The following SEMA3A variants were observed in gnomAD, a reference collection of about 807,000 sequenced individuals.
SEMA3A encodes semaphorin 3A.
Under a neutral mutation model 97.9 loss-of-function variants are expected in SEMA3A, and 29 were observed. The observed-to-expected ratio is 0.30, with a 90% CI of 0.22 to 0.40. SEMA3A has a LOEUF of 0.40. Ranked by LOEUF, SEMA3A falls within the 10% of genes least tolerant of loss-of-function variation. The pLI, the probability that SEMA3A is intolerant of heterozygous loss-of-function variation, is 1.00. For synonymous variants in SEMA3A, 321 were observed against 323.7 expected, an observed-to-expected ratio of 0.99 and a Z score of 0.09; for missense variants, 763 against 951.3, an observed-to-expected ratio of 0.80 and a Z score of 2.60.
chr7:84,328,595 T>C (rs796863995), intron 2 of SEMA3A, among the ~76,000 whole-genome samples: 4 of 152,186 alleles, frequency 2.6e-5, no homozygotes, highest in African/African-American at 9.6e-5. Context: ...ATTGAATCAG[T>C]CGATTATAAC....
intron 1 of SEMA3A, among the ~76,000 whole-genome samples, chr7:84,420,905 CATCT>C (rs1375688596): frequency 6.6e-6 from 1 of 151,448 alleles, no homozygotes; most frequent in Non-Finnish European, 1.5e-5. Flanking sequence ...TCTGGCTATC[CATCT>C]ATCTATTTTG....
intron 12 of SEMA3A, among the ~76,000 whole-genome samples, chr7:83,993,329 T>C (rs542368301): frequency 6.7e-6 from 1 of 148,992 alleles, no homozygotes; most frequent in Non-Finnish European, 1.5e-5. Flanking sequence ...AAAGTTAATA[T>C]TGTTATGTGT....
chr7:84,309,234 C>G (rs1801253070), intron 2 of SEMA3A, among the ~76,000 whole-genome samples: 1 of 151,872 alleles, frequency 6.6e-6, no homozygotes, highest in Non-Finnish European at 1.5e-5. Context: ...TTGTTGAGTT[C>G]CGGAGAGGAT....
intron 2 of SEMA3A, among the ~76,000 whole-genome samples, chr7:84,309,731 T>C (rs1801266838): frequency 6.6e-6 from 1 of 152,166 alleles, no homozygotes; most frequent in African/African-American, 2.4e-5. Flanking sequence ...TCTTCTGTAT[T>C]GGTAATATTT....
chr7:84,352,522 C>A (rs1027918766), intron 2 of SEMA3A, among the ~76,000 whole-genome samples: 1 of 151,416 alleles, frequency 6.6e-6, no homozygotes. Context: ...CTACTATGTA[C>A]CCATAAAAAT....
At chr7:84,385,614 T>C (rs749506653) in intron 1 of SEMA3A, among the ~76,000 whole-genome samples, 2 of 152,176 alleles carry the variant, frequency 1.3e-5, no homozygotes, top group Non-Finnish European at 2.9e-5. Flanking sequence ...ATTCTCTCAA[T>C]ATAACAGGGT....
At chr7:84,328,833 T>C (rs931599106) in intron 2 of SEMA3A, among the ~76,000 whole-genome samples, 5 of 151,908 alleles carry the variant, frequency 3.3e-5, no homozygotes, top group African/African-American at 1.2e-4. Context: ...TACAAATACA[T>C]GATGAAAAGA....
intron 1 of SEMA3A, among the ~76,000 whole-genome samples, chr7:84,145,163 A>G (rs1046872282): frequency 2.0e-5 from 3 of 152,100 alleles, no homozygotes; most frequent in African/African-American, 7.2e-5. Flanking sequence ...TCACCTTTCA[A>G]GACCCAAGTC....
In SEMA3A at chr7:83,960,086, T is replaced by C. The variant is rs1038897464; in HGVS notation, c.*1285A>G. The C allele has an allele frequency of 6.6e-6, 1 of 152,064 alleles. No homozygotes were observed. The highest frequency in any genetic ancestry group is 1.5e-5 in the Non-Finnish European group (1 of 67,950). 9.4% of individuals were successfully genotyped at this position (152,064 alleles called of 1,614,324 possible). A position where few individuals can be genotyped will look rare whatever the true frequency, so the allele number is the denominator to read the frequency against. ...AAAGGTAAGAGGCACCTGATACAGA[T>C]GTAAATGATTGGAAACTTTGCCTTT... On this transcript the variant is annotated 3_prime_UTR_variant, in exon 17 of 17. Coordinates refer to ENST00000265362, the MANE Select transcript of SEMA3A (RefSeq NM_006080.3).
Position 84,479,165 on chromosome 7 carries a change from C to T in SEMA3A, c.-246+13295G>A, listed in dbSNP as rs548780680. On this transcript the variant is annotated intron_variant, in intron 1 of 3. Coordinates refer to the SEMA3A transcript ENST00000424555. Reference sequence around the variant, plus strand: ...TTATTTTTCATGGTAAAAAATGCATCAAGTAGGGTCTGCTTTGGGGGATTG... The same window carrying T: ...TTATTTTTCATGGTAAAAAATGCATTAAGTAGGGTCTGCTTTGGGGGATTG... 2.0e-5 allele frequency among the ~76,000 whole-genome samples: 3 copies of T among 152,184 alleles called. No individual in the cohort carries two copies. In the South Asian group the frequency reaches 6.2e-4, roughly 32 times the overall value.
In SEMA3A at chr7:84,402,295, A is replaced by G. The variant is rs1353366748; in HGVS notation, c.-245-30395T>C. 5.3e-5 allele frequency among the ~76,000 whole-genome samples: 8 copies of G among 152,186 alleles called. No individual in the cohort carries two copies. In the East Asian group the frequency reaches 1.2e-3, roughly 22 times the overall value. ...ATTATCAGGAAAATGCAAATCAAATATCATCTCATCCTAGTTAGAATGCTA... is the reference window on the plus strand; with the variant it reads ...ATTATCAGGAAAATGCAAATCAAATGTCATCTCATCCTAGTTAGAATGCTA... On this transcript the variant is annotated intron_variant, in intron 1 of 3. Transcript: ENST00000424555.
At chr7:84,377,650 T>G (rs746001452) in intron 1 of SEMA3A, among the ~76,000 whole-genome samples, 3 of 152,200 alleles carry the variant, frequency 2.0e-5, no homozygotes, top group Admixed American at 6.5e-5. Flanking sequence ...GCTAAGTAAC[T>G]TGCCTGAGGT....
intron 1 of SEMA3A, among the ~76,000 whole-genome samples, chr7:84,407,091 G>C (rs1358778181): frequency 6.6e-6 from 1 of 152,116 alleles, no homozygotes; most frequent in Non-Finnish European, 1.5e-5. Context: ...TATTCAATTA[G>C]GAAAAGAGGA....
chr7:84,309,632 G>A (rs765146408), intron 2 of SEMA3A, among the ~76,000 whole-genome samples: 1 of 152,116 alleles, frequency 6.6e-6, no homozygotes, highest in African/African-American at 2.4e-5. Context: ...CATATACCAC[G>A]TGTGGGCTTC....
At chr7:84,285,135 T>TTTAC (rs1357087475) in intron 3 of SEMA3A, among the ~76,000 whole-genome samples, 1 of 152,128 alleles carries the variant, frequency 6.6e-6, no homozygotes, top group African/African-American at 2.4e-5. Flanking sequence ...TTTCTCCCAT[T>TTTAC]TTACTTATAT....
chr7:83,997,765 G>T (rs1178192754), intron 12 of SEMA3A, among the ~76,000 whole-genome samples: 1 of 150,352 alleles, frequency 6.7e-6, no homozygotes, highest in South Asian at 2.1e-4. Flanking sequence ...TTTTGAGAGG[G>T]AGTCTCCATC....
At chr7:84,056,847 TTTC>T (rs1562739518) in intron 5 of SEMA3A, among the ~76,000 whole-genome samples, 1 of 152,208 alleles carries the variant, frequency 6.6e-6, no homozygotes, top group Non-Finnish European at 1.5e-5. Flanking sequence ...CCTCCCAGCC[TTTC>T]TACAGGCAAC....
chr7:84,327,480 G>T (rs905136130), intron 2 of SEMA3A, among the ~76,000 whole-genome samples: 12 of 151,848 alleles, frequency 7.9e-5, no homozygotes, highest in African/African-American at 2.2e-4. Flanking sequence ...TATATGCCAA[G>T]AATTATACCA....
At chr7:84,211,198 C>A (rs1034483347) in intron 3 of SEMA3A, among the ~76,000 whole-genome samples, 1 of 152,102 alleles carries the variant, frequency 6.6e-6, no homozygotes, top group South Asian at 2.1e-4. Context: ...GATGACTAAA[C>A]CCCAAATCAT....
Sources: gnomAD v4.1 joint callset for allele counts (sites outside exome capture counted in the v4.1 genomes callset) on GRCh38, gnomAD v4.1.1 for gene constraint, MANE v1.5 for transcripts, NCBI Gene and HGNC (gene_info 2026-07-23, HGNC 2026-07-21) for gene names.